The following USP32 variants were observed in gnomAD, a reference collection of about 807,000 sequenced individuals.
The protein encoded by USP32 is ubiquitin specific peptidase 32.
In USP32, 59 loss-of-function variants were observed where a neutral mutation model predicts 204.8. The ratio of observed to expected loss-of-function variants is 0.29; its 90% CI spans 0.23 to 0.36. The LOEUF (loss-of-function observed/expected upper bound fraction) is 0.36. Ranked by LOEUF, USP32 falls within the 10% of genes least tolerant of loss-of-function variation. USP32 has a pLI of 1.00. For synonymous variants in USP32, 517 were observed against 678.4 expected (o/e 0.76, Z 3.70); for missense variants, 1,160 against 1,946.4 (o/e 0.60, Z 7.60).
intron 10 of USP32, 135 bp downstream of exon 10, chr17:60,255,040 A>C: frequency 1.7e-6 from 1 of 594,554 alleles, no homozygotes; most frequent in Non-Finnish European, 2.8e-6. Context: ...CAGACGAGTA[A>C]TGTAGTTCTT....
chr17:60,254,805 C>A (rs960250053), intron 10 of USP32, among the ~76,000 whole-genome samples: 2 of 152,052 alleles, frequency 1.3e-5, no homozygotes, highest in Non-Finnish European at 2.9e-5. Flanking sequence ...TTAGGAAGGC[C>A]TTTTATTTAT....
intron 5 of USP32, among the ~76,000 whole-genome samples, chr17:60,282,052 A>G (rs1464272817): frequency 1.3e-5 from 2 of 152,244 alleles, no homozygotes; most frequent in African/African-American, 4.8e-5. Flanking sequence ...CCAGCAAATA[A>G]GAATGTTATA....
chr17:60,182,093 C>T (rs1209520673), intron 31 of USP32, among the ~76,000 whole-genome samples: 1 of 152,106 alleles, frequency 6.6e-6, no homozygotes, highest in African/African-American at 2.4e-5. Flanking sequence ...TAAAATTAGA[C>T]AAAAAATGTG....
At chr17:60,363,281 C>T (rs150415095) in intron 1 of USP32, among the ~76,000 whole-genome samples, 4 of 151,644 alleles carry the variant, frequency 2.6e-5, no homozygotes, top group African/African-American at 9.7e-5. Flanking sequence ...ACGATGAAAC[C>T]CCGTCTCTAC....
intron 27 of USP32, among the ~76,000 whole-genome samples, chr17:60,194,339 C>G (rs1344882767): frequency 6.6e-6 from 1 of 152,208 alleles, no homozygotes; most frequent in Admixed American, 6.5e-5. Context: ...TCACCGCACC[C>G]TACCCCCTGC....
rs57060420 is a variant in USP32 at position 60,268,582 on chromosome 17, CAAAAAAAAAAAA to C, written c.811+856_811+867del. On this transcript the variant is annotated intron_variant, in intron 7 of 33. Transcript: ENST00000300896. ...TGGGCAACAGAACAAGACCCTGTCTCAAAAAAAAAAAAAAAAAAAAAAAGATTTTAGCTTCCT... is the reference window on the plus strand; with the variant it reads ...TGGGCAACAGAACAAGACCCTGTCTCAAAAAAAAAAAGATTTTAGCTTCCT... 4.8e-4 allele frequency among the ~76,000 whole-genome samples: 22 copies of C among 45,468 alleles called. No individual in the cohort carries two copies. The South Asian group carries it at 0.016, about 33-fold the overall frequency. 29.8% of individuals were successfully genotyped at this position (45,468 alleles called of 152,430 possible).
chr17:60,240,845 ACTGCAGGTGG>A (rs2085859287), intron 11 of USP32, among the ~76,000 whole-genome samples: 1 of 152,290 alleles, frequency 6.6e-6, no homozygotes, highest in African/African-American at 2.4e-5. Context: ...ACCCCAGGTG[ACTGCAGGTGG>A]CTGGCTCGTT....
At chr17:60,417,316 T>C (rs1398228565) in intron 1 of USP32, among the ~76,000 whole-genome samples, 1 of 152,200 alleles carries the variant, frequency 6.6e-6, no homozygotes, top group Non-Finnish European at 1.5e-5. Context: ...TACCCTTTTA[T>C]GTTCTGTATT....
At chr17:60,313,276 A>C (rs1268486408) in intron 2 of USP32, among the ~76,000 whole-genome samples, 1 of 150,390 alleles carries the variant, frequency 6.6e-6, no homozygotes, top group Admixed American at 6.6e-5. Context: ...GTAAGATTAA[A>C]AAAATGCAAG....
chr17:60,276,764 T>C (rs1420227567), intron 5 of USP32, among the ~76,000 whole-genome samples: 1 of 152,052 alleles, frequency 6.6e-6, no homozygotes, highest in Non-Finnish European at 1.5e-5. Context: ...GAAGCAGAAA[T>C]GTGGAAAGAC....
At chr17:60,343,841 G>A (rs531083445) in intron 2 of USP32, among the ~76,000 whole-genome samples, 31 of 152,238 alleles carry the variant, frequency 2.0e-4, no homozygotes, top group African/African-American at 6.5e-4. Context: ...AGACCAGCCT[G>A]GCCAACATGG....
chr17:60,212,387 A>G (rs987745075), intron 18 of USP32, among the ~76,000 whole-genome samples: 1 of 152,208 alleles, frequency 6.6e-6, no homozygotes, highest in Non-Finnish European at 1.5e-5. Context: ...TGCATTGAAT[A>G]CTGTAGGCAA....
At chr17:60,229,542 T>C (rs532126670) in intron 12 of USP32, among the ~76,000 whole-genome samples, 11 of 152,336 alleles carry the variant, frequency 7.2e-5, no homozygotes, top group African/African-American at 2.6e-4. Context: ...TTTAGATTTA[T>C]TTAGTTTTCA....
chr17:60,411,197 T>C (rs1458802110), intron 1 of USP32, among the ~76,000 whole-genome samples: 1 of 151,912 alleles, frequency 6.6e-6, no homozygotes, highest in Non-Finnish European at 1.5e-5. Flanking sequence ...GCATGGTGCA[T>C]GCCTGTAATC....
At chr17:60,184,547 G>C (rs1014577195) in intron 30 of USP32, among the ~76,000 whole-genome samples, 11 of 152,020 alleles carry the variant, frequency 7.2e-5, no homozygotes, top group Non-Finnish European at 1.2e-4. Flanking sequence ...GGTGGCTCAC[G>C]CCTGTAATTC....
At chr17:60,357,276 C>T (rs921182200) in intron 1 of USP32, among the ~76,000 whole-genome samples, 1 of 152,056 alleles carries the variant, frequency 6.6e-6, no homozygotes, top group Non-Finnish European at 1.5e-5. Context: ...CAGAGGGAGA[C>T]CCCATCTCTA....
intron 30 of USP32, 72 bp from the exon 31 acceptor site, chr17:60,183,525 A>T: frequency 6.7e-7 from 1 of 1,485,536 alleles, no homozygotes; most frequent in Non-Finnish European, 9.0e-7. Context: ...GGAAAAAACA[A>T]GTCAAATACA....
At chr17:60,376,855 T>A (rs2089554723) in intron 1 of USP32, among the ~76,000 whole-genome samples, 1 of 152,146 alleles carries the variant, frequency 6.6e-6, no homozygotes, top group African/African-American at 2.4e-5. Context: ...ACTAACACAT[T>A]GGCATATCAG....
intron 1 of USP32, among the ~76,000 whole-genome samples, chr17:60,371,253 T>TAA (rs373242290): frequency 3.4e-3 from 223 of 66,200 alleles, no homozygotes; most frequent in South Asian, 8.7e-3. Flanking sequence ...CTCTAAAAAT[T>TAA]AAAAAAAAAA....
Sources: gnomAD v4.1 joint callset for allele counts (sites outside exome capture counted in the v4.1 genomes callset) on GRCh38, gnomAD v4.1.1 for gene constraint, MANE v1.5 for transcripts, NCBI Gene and HGNC (gene_info 2026-07-23, HGNC 2026-07-21) for gene names.